Variants in SIN3A observed in about 807,000 individuals in gnomAD.
The protein encoded by SIN3A is paired amphipathic helix protein Sin3a.
In SIN3A, 14 loss-of-function variants were observed where a neutral mutation model predicts 146.1. The observed-to-expected ratio is 0.10, with a 90% CI of 0.06 to 0.15. SIN3A has a LOEUF of 0.15. Ranked by LOEUF, SIN3A falls within the 10% of genes least tolerant of loss-of-function variation. The pLI, the probability that SIN3A is intolerant of heterozygous loss-of-function variation, is 1.00. For missense variants in SIN3A, 1,028 were observed against 1,576.0 expected, an observed-to-expected ratio of 0.65 and a Z score of 5.89; for synonymous variants, 572 against 572.0, an observed-to-expected ratio of 1.00 and a Z score of 0.00.
intron 16 of SIN3A, among the ~76,000 whole-genome samples, chr15:75,384,961 G>A (rs2073051783): frequency 6.6e-6 from 1 of 152,084 alleles, no homozygotes; most frequent in Non-Finnish European, 1.5e-5. Flanking sequence ...ATCACCTGAG[G>A]TCAGGTGTTC....
chr15:75,451,388 G>C (rs1362474929), intron 1 of SIN3A, 35 bp downstream of exon 1: 1 of 146,808 alleles, frequency 6.8e-6, no homozygotes, highest in Non-Finnish European at 1.5e-5. Flanking sequence ...CCGCCACCAG[G>C]CTCCCGCCCG....
intron 3 of SIN3A, among the ~76,000 whole-genome samples, chr15:75,416,228 T>C (rs879339655): frequency 3.3e-5 from 5 of 152,236 alleles, no homozygotes; most frequent in Admixed American, 1.3e-4. Context: ...AGGTCACTAA[T>C]AGAATGTCTT....
At chr15:75,442,932 CAA>C (rs34555614) in intron 1 of SIN3A, among the ~76,000 whole-genome samples, 27 of 84,486 alleles carry the variant, frequency 3.2e-4, no homozygotes, top group Admixed American at 7.8e-4. Context: ...AACTCTGTCT[CAA>C]AAAAAAAAAA....
chr15:75,416,562 G>C (rs773557117), intron 3 of SIN3A, among the ~76,000 whole-genome samples: 37 of 152,200 alleles, frequency 2.4e-4, no homozygotes, highest in Non-Finnish European at 4.4e-5. Flanking sequence ...CTGACCACAA[G>C]TGATCTGCCA....
chr15:75,403,304 C>T (rs987530459), intron 9 of SIN3A, among the ~76,000 whole-genome samples: 2 of 151,554 alleles, frequency 1.3e-5, no homozygotes, highest in East Asian at 4.0e-4. Context: ...GTGGTGGGCA[C>T]CTGTAGTCCC....
At chr15:75,408,708 A>G (rs1459002246) in intron 8 of SIN3A, among the ~76,000 whole-genome samples, 2 of 152,192 alleles carry the variant, frequency 1.3e-5, no homozygotes, top group East Asian at 1.9e-4. Flanking sequence ...CTACAGCCCA[A>G]AGGTCCTGCC....
intron 2 of SIN3A, among the ~76,000 whole-genome samples, chr15:75,425,985 G>C (rs1026127211): frequency 3.9e-5 from 6 of 152,158 alleles, no homozygotes; most frequent in African/African-American, 1.4e-4. Flanking sequence ...AAACTATTTA[G>C]ACAATTCTAA....
At chr15:75,387,399 T>C (rs2073106445) in intron 16 of SIN3A, among the ~76,000 whole-genome samples, 1 of 151,630 alleles carries the variant, frequency 6.6e-6, no homozygotes, top group African/African-American at 2.4e-5. Context: ...GTGGCCCCTT[T>C]GGTCCCAGCT....
chr15:75,426,002 T>G (rs2073917798), intron 2 of SIN3A, among the ~76,000 whole-genome samples: 1 of 152,236 alleles, frequency 6.6e-6, no homozygotes, highest in Non-Finnish European at 1.5e-5. Flanking sequence ...CTAAAAGCTC[T>G]AATGTACCTC....
chr15:75,428,085 A>G (rs1283898325), intron 2 of SIN3A, among the ~76,000 whole-genome samples: 1 of 152,262 alleles, frequency 6.6e-6, no homozygotes, highest in Non-Finnish European at 1.5e-5. Flanking sequence ...TCACTTCTAC[A>G]AAACAGAGTA....
intron 1 of SIN3A, among the ~76,000 whole-genome samples, chr15:75,438,221 C>T (rs920939417): frequency 2.6e-5 from 4 of 151,936 alleles, no homozygotes; most frequent in Non-Finnish European, 4.4e-5. Context: ...ACAAATTAGC[C>T]GGGTGTGGTT....
At chr15:75,414,166 G>A (rs2073693028) in intron 4 of SIN3A, 39 bp downstream of exon 4, 13 of 1,045,926 alleles carry the variant, frequency 1.2e-5, no homozygotes, top group Non-Finnish European at 1.8e-5. Flanking sequence ...AAATCAATAT[G>A]CCAGATACAA....
intron 3 of SIN3A, chr15:75,421,230 A>G (rs1423809354): frequency 6.6e-6 from 1 of 152,216 alleles, no homozygotes; most frequent in Admixed American, 6.6e-5. Context: ...AGGACTTAGT[A>G]AAGTGCTAAG....
chr15:75,411,858 G>GCC, intron 5 of SIN3A, 115 bp from the exon 6 acceptor site: 1 of 1,157,916 alleles, frequency 8.6e-7, no homozygotes, highest in Non-Finnish European at 1.2e-6. Flanking sequence ...ACTCACTCAG[G>GCC]CCAGGTCATT....
chr15:75,372,263 C>A, intron 20 of SIN3A, 54 bp from the exon 21 acceptor site: 2 of 1,220,572 alleles, frequency 1.6e-6, no homozygotes, highest in South Asian at 1.6e-5. Context: ...AAAAAAGAGC[C>A]CTTCAAATAC....
At chr15:75,406,246 G>C (rs1344893323) in intron 9 of SIN3A, among the ~76,000 whole-genome samples, 2 of 152,160 alleles carry the variant, frequency 1.3e-5, no homozygotes, top group Non-Finnish European at 2.9e-5. Flanking sequence ...GCCAAACTAA[G>C]GCACCACACA....
intron 14 of SIN3A, among the ~76,000 whole-genome samples, chr15:75,394,463 G>A (rs1014823183): frequency 6.6e-6 from 1 of 152,140 alleles, no homozygotes; most frequent in Non-Finnish European, 1.5e-5. Flanking sequence ...AACCAGGACA[G>A]TAAACTAGGA....
intron 1 of SIN3A, chr15:75,447,874 G>A (rs1645176560): frequency 6.6e-6 from 1 of 152,066 alleles, no homozygotes; most frequent in Non-Finnish European, 1.5e-5. Context: ...AATACATCAG[G>A]TAGAAATTGC....
rs1422741019 is a variant in SIN3A at position 75,384,326 on chromosome 15, G to A, written c.3133C>T (p.Leu1045Phe). The A allele has an allele frequency of 1.1e-5, 18 of 1,613,568 alleles. No individual in the cohort carries two copies. Among genetic ancestry groups the A allele is most frequent in the Non-Finnish European group, 1.4e-5 (17 of 1,179,722 alleles). The change falls in exon 17 of 21, where the codon CTC (leucine) becomes TTC (phenylalanine). Residue 1045 changes from leucine to phenylalanine, a missense_variant. By Grantham distance (22) the Leu-to-Phe change is conservative. Around this residue, in one of 9 missense-constraint regions of SIN3A, gnomAD observed 488 missense variants for 690.2 expected, o/e 0.71. Transcript: ENST00000394947. Reference sequence around the variant, plus strand: ...TTCCGCTGATACGTTGACTCCAGGAGGCTCCTTGAGTTCTGTGTGTTCAGC... The same window carrying A: ...TTCCGCTGATACGTTGACTCCAGGAAGCTCCTTGAGTTCTGTGTGTTCAGC... ...GQLNTQNSRS[L>F]LESTYQRKAE...
Sources: gnomAD v4.1 joint callset for allele counts (sites outside exome capture counted in the v4.1 genomes callset) on GRCh38, gnomAD v4.1.1 for gene constraint, gnomAD v4.1.1 regional missense constraint, MANE v1.5 for transcripts, NCBI Gene and HGNC (gene_info 2026-07-23, HGNC 2026-07-21) for gene names.